The following ODAD3 variants were observed in gnomAD, a reference collection of about 807,000 sequenced individuals.
The protein encoded by ODAD3 is outer dynein arm-docking complex subunit 3.
ODAD3 carries 57 observed loss-of-function variants against 70.9 expected under a neutral mutation model. That is an observed-to-expected ratio of 0.80 (90% CI 0.65 to 1.00). The LOEUF (loss-of-function observed/expected upper bound fraction) is 1.00, where lower values mean the gene tolerates loss of function less well. Among genes scored for constraint, ODAD3 ranks in the 50% least tolerant of loss-of-function variants. The pLI, the probability that ODAD3 is intolerant of heterozygous loss-of-function variation, is 0.00. For missense variants in ODAD3, 797 were observed against 763.9 expected (o/e 1.04, Z -0.51); for synonymous variants, 327 against 315.9 (o/e 1.04, Z -0.37).
upstream of ODAD3, chr19:11,435,210 C>T (rs1303716693): frequency 9.9e-6 from 14 of 1,420,270 alleles, 1 homozygote; most frequent in South Asian, 7.6e-5. Context: ...CCATGGAGAT[C>T]ACCCGCGTTC....
intron 7 of ODAD3, among the ~76,000 whole-genome samples, chr19:11,424,597 A>G (rs935671993): frequency 1.2e-4 from 13 of 112,894 alleles, no homozygotes; most frequent in African/African-American, 4.6e-4. Flanking sequence ...ATGTGTATAA[A>G]TATATATGTG....
chr19:11,434,834 A>T lies in ODAD3; in HGVS notation c.183T>A (p.Gly61=). 6.2e-7 allele frequency: 1 copy of T among 1,614,050 alleles called. No individual in the cohort carries two copies. Among genetic ancestry groups the T allele is most frequent in the South Asian group, 1.1e-5 (1 of 91,084 alleles). The part of the protein sequence containing the change: ...GRSKGGSFHR[G]AGKPSVHSQV... Reference sequence around the variant, plus strand: ...GAGAGTGCACAGAGGGCTTCCCTGCACCTCTGTGGAAGGATCCTCCCTTGG... The same window carrying T: ...GAGAGTGCACAGAGGGCTTCCCTGCTCCTCTGTGGAAGGATCCTCCCTTGG... The change falls in exon 1 of 13, where the codon GGT becomes GGA. Residue 61 remains glycine, a synonymous_variant. Transcript: ENST00000356392.
chr19:11,428,861 T>TTTTATTTATTTATTTA (rs1195887473), intron 3 of ODAD3, among the ~76,000 whole-genome samples: 26 of 135,762 alleles, frequency 1.9e-4, no homozygotes, highest in African/African-American at 6.0e-4. Flanking sequence ...GTGTTTTATT[T>TTTTATTTATTTATTTA]TTTATTTATT....
intron 7 of ODAD3, among the ~76,000 whole-genome samples, chr19:11,424,990 C>CATATGTGTGTATATGTAT (rs1969253174): frequency 1.0e-5 from 1 of 98,080 alleles, no homozygotes; most frequent in African/African-American, 5.0e-5. Context: ...TGTATATGTA[C>CATATGTGTGTATATGTAT]ATATGTGTAT....
intron 7 of ODAD3, among the ~76,000 whole-genome samples, chr19:11,425,660 T>TATATGCATATAC (rs1969351184): frequency 0.012 from 1,648 of 131,930 alleles, 181 homozygotes; most frequent in African/African-American, 0.059. Flanking sequence ...CGTATATATA[T>TATATGCATATAC]ATATATATAT....
rs1969390361 is a variant in ODAD3 at position 11,426,900 on chromosome 19, C to T, written c.585G>A (p.Ala195=). The T allele has an allele frequency of 1.9e-6, 3 of 1,608,964 alleles. No homozygotes were observed. The highest frequency in any genetic ancestry group is 2.2e-5 in the East Asian group (1 of 44,776). ...HSLRLLEMAE[A]QNRHTEVAKT... ...TGGCCACCTCCGTGTGTCTGTTTTGCGCCTCCGCCATCTCCAGAAGGCGCA... is the reference window on the plus strand; with the variant it reads ...TGGCCACCTCCGTGTGTCTGTTTTGTGCCTCCGCCATCTCCAGAAGGCGCA... Residue 195 remains alanine (A), a synonymous_variant, in exon 4 of 13, where the codon GCG becomes GCA. Transcript: ENST00000356392.
intron 7 of ODAD3, among the ~76,000 whole-genome samples, chr19:11,425,624 T>TATATATGCATATACGCATATAC (rs1969346408): frequency 7.1e-6 from 1 of 141,328 alleles, no homozygotes; most frequent in African/African-American, 2.9e-5. Context: ...TATGCATATA[T>TATATATGCATATACGCATATAC]GCATATATGT....
chr19:11,425,060 T>G (rs1302438351), intron 7 of ODAD3, among the ~76,000 whole-genome samples: 1 of 129,204 alleles, frequency 7.7e-6, no homozygotes, highest in Non-Finnish European at 1.5e-5. Context: ...TATGTGTATA[T>G]GTGTATATAT....
intron 2 of ODAD3, 34 bp downstream of exon 2, chr19:11,430,865 A>T: frequency 6.2e-7 from 1 of 1,613,548 alleles, no homozygotes; most frequent in Non-Finnish European, 8.5e-7. Flanking sequence ...ATCCACCGCC[A>T]CGGGAACCCT....
chr19:11,424,929 G>A (rs1274112016), intron 7 of ODAD3, among the ~76,000 whole-genome samples: 4 of 115,048 alleles, frequency 3.5e-5, no homozygotes, highest in African/African-American at 1.2e-4. Flanking sequence ...GTACCTATGT[G>A]TATATATGTA....
chr19:11,420,784 G>A lies in ODAD3; in HGVS notation c.*51C>T, dbSNP rs2144751561. The stretch of plus-strand genomic sequence containing the variant: ...GCCCCGTGGGGCCTGCGCTAGACCC[G>A]GAGGGATCGGGGGCTCCGAAGGGGG... On this transcript the variant is annotated 3_prime_UTR_variant, in exon 13 of 13. Transcript: ENST00000356392. 1 of 1,515,024 alleles carries A rather than the reference G, an allele frequency of 6.6e-7. No homozygotes were observed. The highest frequency in any genetic ancestry group is 1.4e-5 in the African/African-American group (1 of 73,094). 93.8% of individuals were successfully genotyped at this position (1,515,024 alleles called of 1,614,324 possible). A position where few individuals can be genotyped will look rare whatever the true frequency, so the allele number is the denominator to read the frequency against.
At chr19:11,426,316 C>A (rs1482245148) in intron 6 of ODAD3, 50 bp from the exon 7 acceptor site, 4 of 1,610,348 alleles carry the variant, frequency 2.5e-6, no homozygotes, top group Non-Finnish European at 2.5e-6. Context: ...CTACCACTGC[C>A]CGCCGCAGGG....
intron 6 of ODAD3, 34 bp downstream of exon 6, chr19:11,426,412 T>C (rs773366208): frequency 4.3e-6 from 7 of 1,613,232 alleles, no homozygotes; most frequent in South Asian, 1.1e-5. Flanking sequence ...CCGCGGCAGC[T>C]GGGCAGGATG....
upstream of ODAD3, chr19:11,435,678 G>T: frequency 2.3e-6 from 3 of 1,304,478 alleles, no homozygotes; most frequent in Admixed American, 2.3e-5. Flanking sequence ...GAGGGGTGCG[G>T]TGGATACTGA....
rs1969347432 is a variant in ODAD3 at position 11,425,636 on chromosome 19, T to TACGCATATACGC, written c.963+507_963+508insGCGTATATGCGT. On this transcript the variant is annotated intron_variant, in intron 7 of 12. Transcript: ENST00000356392. ...ATATATGCATATATGCATATATGTA[T>TACGCATATACGC]ATATATGTATATACGTATATATATA... Among the ~76,000 whole-genome samples the TACGCATATACGC allele has an allele frequency of 6.1e-4, 86 of 140,214 alleles. 8 individuals carry two copies. The highest frequency in any genetic ancestry group is 3.6e-3 in the Middle Eastern group (1 of 276). The allele number at this position is 140,214 out of a possible 152,430, so 92.0% of individuals were successfully genotyped here. A position where few individuals can be genotyped will look rare whatever the true frequency, so the allele number is the denominator to read the frequency against.
intron 8 of ODAD3, 35 bp downstream of exon 8, chr19:11,423,842 G>A (rs1377515105): frequency 7.6e-6 from 9 of 1,189,294 alleles, no homozygotes; most frequent in Non-Finnish European, 1.1e-5. Flanking sequence ...GGGTGGGGGG[G>A]GGGCGCGGCG....
chr19:11,426,539 G>T lies in ODAD3; in HGVS notation c.747C>A (p.Asp249Glu), dbSNP rs1229956522. The change falls in exon 6 of 13, where the codon GAC (aspartate) becomes GAA (glutamate). Residue 249 changes from aspartate to glutamate, a missense_variant. Coordinates refer to ENST00000356392, the MANE Select transcript of ODAD3 (RefSeq NM_145045.5). ...DESLNLENRL[D>E]SMEAEVVRTK... Reference sequence around the variant, plus strand: ...TCCTCACCACCTCAGCCTCCATGGAGTCCAGCCGGTTCTCCAAGTTGAGGC... The same window carrying T: ...TCCTCACCACCTCAGCCTCCATGGATTCCAGCCGGTTCTCCAAGTTGAGGC... 2 of 1,613,940 alleles carry T rather than the reference G, an allele frequency of 1.2e-6. No homozygotes were observed. Among genetic ancestry groups the T allele is most frequent in the African/African-American group, 2.7e-5 (2 of 74,888 alleles).
intron 3 of ODAD3, among the ~76,000 whole-genome samples, chr19:11,429,026 C>T (rs1257931887): frequency 1.3e-5 from 2 of 151,482 alleles, no homozygotes; most frequent in African/African-American, 2.4e-5. Context: ...TACAAGCATG[C>T]ACCACCATGC....
At chr19:11,425,320 T>C (rs1022523629) in intron 7 of ODAD3, among the ~76,000 whole-genome samples, 2 of 134,802 alleles carry the variant, frequency 1.5e-5, no homozygotes, top group African/African-American at 3.2e-5. Flanking sequence ...TACATATGTG[T>C]ATATGTACAT....
Sources: allele counts gnomAD v4.1 joint callset (sites outside exome capture counted in the v4.1 genomes callset), GRCh38; gene constraint gnomAD v4.1.1; transcripts MANE v1.5; gene names NCBI Gene and HGNC (gene_info 2026-07-23, HGNC 2026-07-21).